The following FSTL4 variants were observed in gnomAD, a reference collection of about 807,000 sequenced individuals.
FSTL4 encodes follistatin-related protein 4.
A neutral mutation model predicts 78.2 loss-of-function variants in FSTL4; 28 were observed. That is an observed-to-expected ratio of 0.36 (90% CI 0.27 to 0.49). The LOEUF (loss-of-function observed/expected upper bound fraction) is 0.49, where lower values mean the gene tolerates loss of function less well. Among genes scored for constraint, FSTL4 ranks in the 20% least tolerant of loss-of-function variants. FSTL4 has a pLI of 0.98. For missense variants in FSTL4, 922 were observed against 1,084.9 expected (o/e 0.85, Z 2.11); for synonymous variants, 422 against 440.5 (o/e 0.96, Z 0.53).
chr5:133,353,730 A>G (rs765269874), intron 4 of FSTL4, among the ~76,000 whole-genome samples: 4 of 152,360 alleles, frequency 2.6e-5, no homozygotes, highest in Non-Finnish European at 4.4e-5. Flanking sequence ...ACACAAGCGC[A>G]CACACACAGT....
At chr5:133,200,073 G>A (rs1040396451) in intron 15 of FSTL4, among the ~76,000 whole-genome samples, 3 of 152,168 alleles carry the variant, frequency 2.0e-5, no homozygotes, top group Admixed American at 6.5e-5. Context: ...GGCGAGAGGC[G>A]CTTCAACTGC....
intron 3 of FSTL4, among the ~76,000 whole-genome samples, chr5:133,555,759 A>G (rs1331492602): frequency 6.6e-6 from 1 of 152,182 alleles, no homozygotes; most frequent in Admixed American, 6.5e-5. Context: ...TATCAAATCA[A>G]CGTCCCCTCT....
chr5:133,405,926 T>A (rs1756353021), intron 3 of FSTL4, among the ~76,000 whole-genome samples: 1 of 152,178 alleles, frequency 6.6e-6, no homozygotes, highest in African/African-American at 2.4e-5. Flanking sequence ...CAACAAATAT[T>A]TACTGAGCAC....
At chr5:133,545,022 G>T (rs1000153296) in intron 3 of FSTL4, among the ~76,000 whole-genome samples, 2 of 152,182 alleles carry the variant, frequency 1.3e-5, no homozygotes, top group Non-Finnish European at 2.9e-5. Context: ...AATCCTTGGA[G>T]TAATAGGAGT....
At chr5:133,294,278 C>A (rs997822511) in intron 6 of FSTL4, among the ~76,000 whole-genome samples, 2 of 152,186 alleles carry the variant, frequency 1.3e-5, no homozygotes, top group Non-Finnish European at 2.9e-5. Context: ...TTGGAAGGTA[C>A]TCTGTGTGGT....
chr5:133,809,775 G>A, the FSTL4 span, among the ~76,000 whole-genome samples: 6 of 152,164 alleles, frequency 3.9e-5, no homozygotes, highest in Admixed American at 3.9e-4. Flanking sequence ...GAGGCTGCAT[G>A]GAAACTGGAA....
intron 2 of FSTL4, among the ~76,000 whole-genome samples, chr5:133,582,604 T>TG (rs1210878038): frequency 6.6e-6 from 1 of 152,102 alleles, no homozygotes; most frequent in African/African-American, 2.4e-5. Context: ...AGACACAGGT[T>TG]GGGGGAAAGG....
At chr5:133,415,714 G>A (rs980377033) in intron 3 of FSTL4, among the ~76,000 whole-genome samples, 2 of 152,200 alleles carry the variant, frequency 1.3e-5, no homozygotes, top group Non-Finnish European at 1.5e-5. Context: ...TTAGGTGCAG[G>A]AAGGTGGCTG....
chr5:133,383,185 C>T (rs763918924), intron 4 of FSTL4, among the ~76,000 whole-genome samples: 1 of 152,222 alleles, frequency 6.6e-6, no homozygotes, highest in Non-Finnish European at 1.5e-5. Context: ...GGCCCACATC[C>T]TGCACTTCCT....
the FSTL4 span, among the ~76,000 whole-genome samples, chr5:133,627,915 T>C: frequency 1.4e-4 from 21 of 152,170 alleles, no homozygotes; most frequent in South Asian, 4.4e-3. Flanking sequence ...TGTAGTGTTT[T>C]TGAGTATATC....
chr5:133,726,413 T>C, the FSTL4 span, among the ~76,000 whole-genome samples: 1 of 152,178 alleles, frequency 6.6e-6, no homozygotes, highest in Non-Finnish European at 1.5e-5. Flanking sequence ...TGGGTCCCCA[T>C]CTACAAGGAA....
the FSTL4 span, among the ~76,000 whole-genome samples, chr5:133,663,842 C>G: frequency 6.6e-6 from 1 of 152,212 alleles, no homozygotes; most frequent in Non-Finnish European, 1.5e-5. Context: ...TTGAACAAGC[C>G]AGGGAGGCCA....
At chr5:133,205,020 T>A (rs1051438160) in intron 14 of FSTL4, among the ~76,000 whole-genome samples, 3 of 152,110 alleles carry the variant, frequency 2.0e-5, no homozygotes, top group Non-Finnish European at 4.4e-5. Context: ...ATAATGCATA[T>A]CCTAGACTTT....
chr5:133,548,027 G>T (rs2112925771), intron 3 of FSTL4, among the ~76,000 whole-genome samples: 1 of 152,306 alleles, frequency 6.6e-6, no homozygotes, highest in Non-Finnish European at 1.5e-5. Context: ...GATGTGCCAG[G>T]AGAACAATGT....
At chr5:133,320,082 C>T (rs2126896028) in intron 4 of FSTL4, among the ~76,000 whole-genome samples, 1 of 152,262 alleles carries the variant, frequency 6.6e-6, no homozygotes, top group East Asian at 1.9e-4. Flanking sequence ...CCTGCCTTCA[C>T]TCCCTGCCTT....
chr5:133,400,963 G>A lies in FSTL4; in HGVS notation c.184C>T (p.Leu62=). ...REGLSSHNEL[L]ASCGKKFCSR... Reference sequence around the variant, plus strand: ...CAGAACTTCTTCCCGCAGGAGGCCAGCAGCTCGTTGTGGCTGGAAAGCCCT... The same window carrying A: ...CAGAACTTCTTCCCGCAGGAGGCCAACAGCTCGTTGTGGCTGGAAAGCCCT... The change falls in exon 4 of 16, where the codon CTG becomes TTG. Residue 62 remains leucine (L), a synonymous_variant. Coordinates refer to ENST00000265342, the MANE Select transcript of FSTL4 (RefSeq NM_015082.2). 1 of 1,613,226 alleles carries A rather than the reference G, an allele frequency of 6.2e-7. No homozygotes were observed.
intron 3 of FSTL4, among the ~76,000 whole-genome samples, chr5:133,516,978 T>C (rs1249984006): frequency 6.6e-6 from 1 of 151,790 alleles, no homozygotes; most frequent in Non-Finnish European, 1.5e-5. Flanking sequence ...TTTGGGAGAC[T>C]GAGGCAAGAG....
the FSTL4 span, among the ~76,000 whole-genome samples, chr5:133,814,282 C>T: frequency 3.9e-5 from 6 of 152,156 alleles, no homozygotes; most frequent in Non-Finnish European, 5.9e-5. Context: ...GTGCATCCTC[C>T]GGTTGGAGGT....
At chr5:133,468,164 A>G (rs1757751814) in intron 3 of FSTL4, among the ~76,000 whole-genome samples, 1 of 151,906 alleles carries the variant, frequency 6.6e-6, no homozygotes, top group African/African-American at 2.4e-5. Flanking sequence ...ACTTCCCACC[A>G]TGGGGAAGGC....
Sources: allele counts gnomAD v4.1 joint callset (sites outside exome capture counted in the v4.1 genomes callset), GRCh38; gene constraint gnomAD v4.1.1; transcripts MANE v1.5; gene names NCBI Gene and HGNC (gene_info 2026-07-23, HGNC 2026-07-21).